PLD5: variants seen among roughly 807,000 people sequenced by gnomAD.
PLD5 encodes the protein phospholipase D family member 5.
A neutral mutation model predicts 61.1 loss-of-function variants in PLD5; 36 were observed. The observed-to-expected ratio is 0.59, with a 90% CI of 0.45 to 0.78. The LOEUF (loss-of-function observed/expected upper bound fraction) is 0.78. Among genes scored for constraint, PLD5 ranks in the 30% least tolerant of loss-of-function variants. The probability of loss-of-function intolerance (pLI) is 0.00; values close to 1 mark genes in which losing one functional copy is unlikely to be tolerated. For synonymous variants in PLD5, 243 were observed against 242.8 expected (o/e 1.00, Z -0.01); for missense variants, 515 against 644.4 (o/e 0.80, Z 2.17).
At chr1:242,237,985 A>C (rs1175379402) in intron 4 of PLD5, among the ~76,000 whole-genome samples, 1 of 152,106 alleles carries the variant, frequency 6.6e-6, no homozygotes, top group Non-Finnish European at 1.5e-5. Flanking sequence ...CTAGCTTTGC[A>C]TACACCCCTC....
intron 1 of PLD5, among the ~76,000 whole-genome samples, chr1:242,367,768 A>G (rs6666893): frequency 0.042 from 6,368 of 152,276 alleles, 312 homozygotes; most frequent in African/African-American, 0.12. Flanking sequence ...AAATAAAGCC[A>G]ACAGAGGACA....
At chr1:242,433,894 G>T (rs183692636) in intron 1 of PLD5, among the ~76,000 whole-genome samples, 2 of 152,240 alleles carry the variant, frequency 1.3e-5, no homozygotes, top group Non-Finnish European at 2.9e-5. Flanking sequence ...AGGAGCAGGA[G>T]GTCACCATGA....
At chr1:242,354,142 T>A (rs1660627156) in intron 1 of PLD5, among the ~76,000 whole-genome samples, 1 of 152,000 alleles carries the variant, frequency 6.6e-6, no homozygotes, top group African/African-American at 2.4e-5. Flanking sequence ...CAGATGATGA[T>A]GAAAGTGATC....
intron 4 of PLD5, among the ~76,000 whole-genome samples, chr1:242,239,534 T>C (rs147773236): frequency 1.0e-3 from 152 of 152,364 alleles, no homozygotes; most frequent in Middle Eastern, 6.8e-3. Flanking sequence ...TATTTACTTA[T>C]ATGTACTCTG....
Position 242,350,971 on chromosome 1 carries a change from C to T in PLD5, c.190-2729G>A, listed in dbSNP as rs948984849. Among the ~76,000 whole-genome samples the T allele has an allele frequency of 2.9e-4, 44 of 151,622 alleles. No homozygotes were observed. The East Asian group carries it at 3.3e-3, about 11-fold the overall frequency. The stretch of plus-strand genomic sequence containing the variant: ...GGCTGGAGTGCAATGGCGTGATCAC[C>T]GCTCACCGCAACCTCTACCTCCCAG... On this transcript the variant is annotated intron_variant, in intron 1 of 9. Coordinates refer to ENST00000536534, the MANE Select transcript of PLD5 (RefSeq NM_001372062.1).
At chr1:242,335,947 T>C (rs1659476586) in intron 2 of PLD5, among the ~76,000 whole-genome samples, 1 of 152,176 alleles carries the variant, frequency 6.6e-6, no homozygotes, top group Non-Finnish European at 1.5e-5. Flanking sequence ...ACAATAATTA[T>C]TTGGATTACT....
chr1:242,097,818 G>A (rs1307424842), intron 9 of PLD5, among the ~76,000 whole-genome samples: 2 of 152,166 alleles, frequency 1.3e-5, no homozygotes, highest in Non-Finnish European at 2.9e-5. Context: ...TGAAGTCCTT[G>A]CCCATGCCTA....
At chr1:242,253,099 G>A (rs1672801456) in intron 4 of PLD5, among the ~76,000 whole-genome samples, 1 of 146,984 alleles carries the variant, frequency 6.8e-6, no homozygotes, top group Admixed American at 6.9e-5. Flanking sequence ...ACAGGCGTGA[G>A]CCACCGTGTA....
At chr1:242,255,535 T>C (rs316917) in intron 4 of PLD5, among the ~76,000 whole-genome samples, 133,487 of 152,216 alleles carry the variant, frequency 0.88, 60,449 homozygotes, top group Non-Finnish European at 0.99. Flanking sequence ...CAACATGGCA[T>C]GTGTATACAT....
At chr1:242,143,386 A>G (rs1664318934) in intron 5 of PLD5, among the ~76,000 whole-genome samples, 2 of 152,124 alleles carry the variant, frequency 1.3e-5, no homozygotes, top group Non-Finnish European at 2.9e-5. Flanking sequence ...GAGTCCATAG[A>G]TAGGCTTTTG....
At chr1:242,505,401 T>C (rs1034390918) in intron 1 of PLD5, among the ~76,000 whole-genome samples, 1 of 152,212 alleles carries the variant, frequency 6.6e-6, no homozygotes, top group Non-Finnish European at 1.5e-5. Context: ...ATTGTAATTG[T>C]ACATATTTAT....
At chr1:242,109,934 C>T (rs1333514516) in intron 7 of PLD5, among the ~76,000 whole-genome samples, 2 of 151,402 alleles carry the variant, frequency 1.3e-5, no homozygotes, top group Non-Finnish European at 2.9e-5. Flanking sequence ...CCATCTCAAC[C>T]TCCATCTAAC....
chr1:242,113,844 T>A, intron 7 of PLD5, 46 bp downstream of exon 7: 1 of 1,573,804 alleles, frequency 6.4e-7, no homozygotes. Context: ...GTTTAGTGCC[T>A]GGTCTTAGGG....
At position 242,515,194 on chromosome 1, in the gene PLD5, G is replaced by A. The variant is rs777256725; in HGVS notation, c.189+8894C>T. On this transcript the variant is annotated intron_variant, in intron 1 of 9. Transcript: ENST00000536534. ...TTCCATGCTTCAGCTTTGCCTTTGT[G>A]TGTGCGTGTGTGTGTGTGTGTGTGT... is the stretch of plus-strand genomic sequence containing the variant. 9.0e-4 allele frequency among the ~76,000 whole-genome samples: 135 copies of A among 149,622 alleles called. 2 individuals are homozygous for A. Among genetic ancestry groups the A allele is most frequent in the Non-Finnish European group, 1.7e-3 (113 of 67,762 alleles).
At chr1:242,179,295 G>A (rs879767186) in intron 5 of PLD5, among the ~76,000 whole-genome samples, 1 of 152,136 alleles carries the variant, frequency 6.6e-6, no homozygotes, top group Admixed American at 6.5e-5. Context: ...GGGAGCAGAC[G>A]GAGCATTCTG....
intron 5 of PLD5, among the ~76,000 whole-genome samples, chr1:242,202,837 A>G (rs548759875): frequency 1.3e-5 from 2 of 152,234 alleles, no homozygotes; most frequent in East Asian, 1.9e-4. Context: ...GTGACACCCT[A>G]TCCTGGCTCT....
intron 5 of PLD5, among the ~76,000 whole-genome samples, chr1:242,141,315 G>A (rs999845302): frequency 6.6e-6 from 1 of 152,096 alleles, no homozygotes; most frequent in African/African-American, 2.4e-5. Context: ...TAAAATGCCA[G>A]GCTCCCGATG....
chr1:242,493,657 C>T (rs1318847034), intron 1 of PLD5, among the ~76,000 whole-genome samples: 1 of 152,130 alleles, frequency 6.6e-6, no homozygotes, highest in Non-Finnish European at 1.5e-5. Flanking sequence ...CCCCAGGGAG[C>T]TGCCAGGATG....
At chr1:242,418,366 C>T (rs7524937) in intron 1 of PLD5, among the ~76,000 whole-genome samples, 26,018 of 151,920 alleles carry the variant, frequency 0.17, 2,608 homozygotes, top group African/African-American at 0.28. Flanking sequence ...AAGCATCAAA[C>T]GAATAGACAA....
Sources: allele counts gnomAD v4.1 joint callset (sites outside exome capture counted in the v4.1 genomes callset), GRCh38; gene constraint gnomAD v4.1.1; transcripts MANE v1.5; gene names NCBI Gene and HGNC (gene_info 2026-07-23, HGNC 2026-07-21).